The following HMCN1 variants were observed in gnomAD, a reference collection of about 807,000 sequenced individuals.
HMCN1 encodes hemicentin 1.
HMCN1 carries 321 observed loss-of-function variants against 625.9 expected under a neutral mutation model. The observed-to-expected ratio is 0.51, with a 90% CI of 0.47 to 0.56. HMCN1 has a LOEUF of 0.56. HMCN1 is among the 20% of genes least tolerant of loss of function. The probability of loss-of-function intolerance (pLI) is 0.00; values close to 1 mark genes in which losing one functional copy is unlikely to be tolerated. For missense variants in HMCN1, 6,588 were observed against 6,887.3 expected (o/e 0.96, Z 1.54); for synonymous variants, 2,425 against 2,417.6 (o/e 1.00, Z -0.09).
intron 35 of HMCN1, among the ~76,000 whole-genome samples, chr1:186,020,477 C>G (rs1376475173): frequency 2.0e-5 from 3 of 151,966 alleles, no homozygotes; most frequent in Non-Finnish European, 2.9e-5. Context: ...GAAATAATCT[C>G]ACATCTTTGT....
intron 4 of HMCN1, among the ~76,000 whole-genome samples, chr1:185,886,319 T>A (rs1384941508): frequency 6.6e-6 from 1 of 152,078 alleles, no homozygotes; most frequent in Non-Finnish European, 1.5e-5. Flanking sequence ...TAGTCATGTA[T>A]AATTTAAATG....
In HMCN1 at chr1:186,081,278, C is replaced by T. The variant is rs1571322654; in HGVS notation, c.8671C>T (p.Leu2891=). The T allele has an allele frequency of 1.9e-6, 3 of 1,613,452 alleles. No homozygotes were observed. Among genetic ancestry groups the T allele is most frequent in the African/African-American group, 2.7e-5 (2 of 74,892 alleles). The change falls in exon 56 of 107, where the codon CTG becomes TTG. Residue 2891 remains leucine, a synonymous_variant. Transcript: ENST00000271588. ...EVTVLVNKSA[L]IECLSSGSPA... is the part of the protein sequence containing the mutation. ...CACCGTGCTGGTGAACAAGAGTGCACTGATAGAGTGTTTATCCAGTGGCAG... is the reference window on the plus strand; with the variant it reads ...CACCGTGCTGGTGAACAAGAGTGCATTGATAGAGTGTTTATCCAGTGGCAG...
chr1:186,172,095 A>C lies in HMCN1; in HGVS notation c.15778A>C (p.Asn5260His). The change falls in exon 102 of 107, where the codon AAT becomes CAT. Residue 5260 changes from asparagine (N) to histidine (H), a missense_variant. Physicochemically the swap from Asn to His is moderately conservative, Grantham distance 68. Transcript: ENST00000271588. Reference protein sequence around the residue: ...GGYKCIDLCPNGMTKAENGTC... With the variant: ...GGYKCIDLCPHGMTKAENGTC... ...CTATAAGTGCATTGATCTTTGTCCA[A>C]ATGGAATGACCAAGGCAGAAAATGG... The C allele has an allele frequency of 6.2e-7, 1 of 1,613,902 alleles. No individual in the cohort carries two copies. The highest frequency in any genetic ancestry group is 8.5e-7 in the Non-Finnish European group (1 of 1,179,802).
In HMCN1 at chr1:185,805,391, C is replaced by T. The variant is rs372114168; in HGVS notation, c.269-40635C>T. Among the ~76,000 whole-genome samples the T allele has an allele frequency of 7.6e-4, 115 of 152,216 alleles. 1 individual carries two copies. Among genetic ancestry groups the T allele is most frequent in the South Asian group, 4.1e-4 (2 of 4,826 alleles). On this transcript the variant is annotated intron_variant, in intron 1 of 106. Coordinates refer to ENST00000271588, the MANE Select transcript of HMCN1 (RefSeq NM_031935.3). ...TGCAGAGGCCAAAAAGTTCAAATAT[C>T]TTCCCTCTGAAAATAGTAAAAATTT...
Position 186,153,870 on chromosome 1 carries a change from C to A in HMCN1, c.15139C>A (p.Gln5047Lys). The change falls in exon 97 of 107, where the codon CAG becomes AAG. Residue 5047 changes from glutamine to lysine, a missense_variant. Coordinates refer to ENST00000271588, the MANE Select transcript of HMCN1 (RefSeq NM_031935.3). ...YTWNHTVFYD[Q>K]AQGRMPFLVE... The stretch of plus-strand genomic sequence containing the variant: ...ATGGAACCACACCGTTTTCTATGAT[C>A]AGGCACAGGGAAGAATGCCTTTCTT... The A allele has an allele frequency of 1.2e-6, 2 of 1,614,160 alleles. No homozygotes were observed. Among genetic ancestry groups the A allele is most frequent in the Non-Finnish European group, 1.7e-6 (2 of 1,180,012 alleles).
chr1:186,059,187 A>G (rs1657528489), intron 46 of HMCN1, among the ~76,000 whole-genome samples: 2 of 152,022 alleles, frequency 1.3e-5, no homozygotes, highest in Admixed American at 6.6e-5. Flanking sequence ...CCTTACTATG[A>G]TGTTTTCACT....
intron 86 of HMCN1, among the ~76,000 whole-genome samples, chr1:186,134,190 TTTA>T (rs1472264493): frequency 1.3e-5 from 2 of 152,184 alleles, no homozygotes; most frequent in African/African-American, 4.8e-5. Context: ...AGTGTTCATA[TTTA>T]TTATGTGAAT....
rs1487106900 is a variant in HMCN1 at position 186,039,879 on chromosome 1, G to A, written c.6180G>A (p.Gln2060=). Residue 2060 remains glutamine, a splice_region_variant and synonymous_variant, in exon 39 of 107, where the codon CAG becomes CAA. Transcript: ENST00000271588. The part of the protein sequence containing the change: ...SPVSSFSNGL[Q]VLSGGRILAL... ...TTTCTAGTTTTTCTAATGGATTACA[G>A]GTACCTTCATTCATTTCTTTGGTGA... The A allele has an allele frequency of 1.2e-6, 2 of 1,612,824 alleles. No individual in the cohort carries two copies. Among genetic ancestry groups the A allele is most frequent in the African/African-American group, 2.7e-5 (2 of 74,960 alleles).
At chr1:186,151,815 C>T (rs925231804) in intron 95 of HMCN1, 72 bp downstream of exon 95, 92 of 1,438,962 alleles carry the variant, frequency 6.4e-5, no homozygotes, top group Admixed American at 2.1e-4. Context: ...AAGAAAAATA[C>T]GTGTTCCCAC....
chr1:185,919,779 A>T (rs554189879), intron 6 of HMCN1, among the ~76,000 whole-genome samples: 1 of 152,348 alleles, frequency 6.6e-6, no homozygotes, highest in South Asian at 2.1e-4. Flanking sequence ...ACTTTGAGCA[A>T]GTCACTTAAC....
chr1:185,829,592 TC>T (rs1253380989), intron 1 of HMCN1, among the ~76,000 whole-genome samples: 14 of 152,160 alleles, frequency 9.2e-5, no homozygotes, highest in African/African-American at 2.9e-4. Flanking sequence ...ATGATCTCAT[TC>T]CTTTTTATGG....
intron 4 of HMCN1, among the ~76,000 whole-genome samples, chr1:185,892,887 A>G (rs1407797212): frequency 6.6e-6 from 1 of 152,158 alleles, no homozygotes; most frequent in East Asian, 1.9e-4. Flanking sequence ...AGCCTGGTCA[A>G]TGGCGGGCGC....
intron 97 of HMCN1, among the ~76,000 whole-genome samples, chr1:186,163,347 C>G (rs1185579542): frequency 6.6e-6 from 1 of 152,206 alleles, no homozygotes; most frequent in East Asian, 1.9e-4. Context: ...ACTCCCTGAC[C>G]TCTTGCACTT....
In HMCN1 at chr1:186,040,043, C is replaced by T. The variant is rs552427360; in HGVS notation, c.6180+164C>T. Among the ~76,000 whole-genome samples the T allele has an allele frequency of 7.9e-5, 12 of 152,200 alleles. No individual in the cohort carries two copies. In the South Asian group the frequency reaches 2.1e-3, roughly 26 times the overall value. On this transcript the variant is annotated intron_variant, in intron 39 of 106. Transcript: ENST00000271588. ...AACACCATGGACACATAACTGGGGT[C>T]CCCAAACAATTCATTAAAAGCTCAC... is the stretch of plus-strand genomic sequence containing the variant.
At chr1:186,185,957 A>G (rs1445514257) in intron 105 of HMCN1, among the ~76,000 whole-genome samples, 2 of 152,214 alleles carry the variant, frequency 1.3e-5, no homozygotes, top group Non-Finnish European at 2.9e-5. Flanking sequence ...TACTTTACTC[A>G]TACTTTAAAA....
At chr1:185,842,117 C>T (rs1661512068) in intron 1 of HMCN1, among the ~76,000 whole-genome samples, 1 of 152,146 alleles carries the variant, frequency 6.6e-6, no homozygotes, top group South Asian at 2.1e-4. Context: ...TTTATTTCTG[C>T]CCTTACTACA....
chr1:185,799,361 T>C (rs984954743), intron 1 of HMCN1, among the ~76,000 whole-genome samples: 1 of 152,126 alleles, frequency 6.6e-6, no homozygotes, highest in Non-Finnish European at 1.5e-5. Context: ...CTCTGGTACC[T>C]TAGGCAGTGG....
intron 102 of HMCN1, among the ~76,000 whole-genome samples, chr1:186,173,640 C>CAAAAAAAAAAAAAA (rs762258823): frequency 8.0e-5 from 6 of 74,670 alleles, no homozygotes; most frequent in African/African-American, 1.5e-4. Flanking sequence ...GACTCCATCT[C>CAAAAAAAAAAAAAA]AAAAAAAAAA....
intron 63 of HMCN1, 77 bp downstream of exon 63, chr1:186,088,832 G>T: frequency 1.5e-6 from 2 of 1,369,206 alleles, no homozygotes; most frequent in Non-Finnish European, 1.0e-6. Context: ...TACATTTAAA[G>T]GTATCAGTAG....
Sources: gnomAD v4.1 joint callset for allele counts (sites outside exome capture counted in the v4.1 genomes callset) on GRCh38, gnomAD v4.1.1 for gene constraint, MANE v1.5 for transcripts, NCBI Gene and HGNC (gene_info 2026-07-23, HGNC 2026-07-21) for gene names.